ZCWPW2: variants seen among roughly 807,000 people sequenced by gnomAD.
The protein encoded by ZCWPW2 is zinc finger CW-type PWWP domain protein 2.
A neutral mutation model predicts 46.6 loss-of-function variants in ZCWPW2; 45 were observed. The ratio of observed to expected loss-of-function variants is 0.96; its 90% CI spans 0.76 to 1.24. The LOEUF (loss-of-function observed/expected upper bound fraction) is 1.24, where lower values mean the gene tolerates loss of function less well. ZCWPW2 is among the 50% of genes most tolerant of loss of function. The pLI, the probability that ZCWPW2 is intolerant of heterozygous loss-of-function variation, is 0.00. For missense variants in ZCWPW2, 429 were observed against 403.9 expected, an observed-to-expected ratio of 1.06 and a Z score of -0.53; for synonymous variants, 152 against 137.1, an observed-to-expected ratio of 1.11 and a Z score of -0.76.
chr3:28,380,150 T>C (rs541590909), intron 1 of ZCWPW2, among the ~76,000 whole-genome samples: 2 of 151,870 alleles, frequency 1.3e-5, no homozygotes, highest in Admixed American at 1.3e-4. Flanking sequence ...GCCTGGCTAA[T>C]TTTTTGTATT....
chr3:28,394,805 C>T (rs1695631758), intron 2 of ZCWPW2, among the ~76,000 whole-genome samples: 1 of 152,020 alleles, frequency 6.6e-6, no homozygotes, highest in African/African-American at 2.4e-5. Context: ...CTATATAACT[C>T]CTGAGAGAAA....
chr3:28,376,595 CTCAGTGTTT>C (rs1705507311), intron 1 of ZCWPW2, among the ~76,000 whole-genome samples: 1 of 152,092 alleles, frequency 6.6e-6, no homozygotes, highest in African/African-American at 2.4e-5. Flanking sequence ...ATACTGTCTG[CTCAGTGTTT>C]TCACTTCTCT....
chr3:28,434,006 G>A (rs1046096683), intron 3 of ZCWPW2, among the ~76,000 whole-genome samples: 6 of 145,452 alleles, frequency 4.1e-5, no homozygotes, highest in East Asian at 2.0e-4. Context: ...TCATTTTACT[G>A]TTTAAAATTA....
At chr3:28,493,060 C>T (rs1458879092) in intron 6 of ZCWPW2, among the ~76,000 whole-genome samples, 14 of 73,062 alleles carry the variant, frequency 1.9e-4, no homozygotes, top group Admixed American at 5.9e-4. Context: ...TATCTTTTTG[C>T]TTTTTGGCTT....
chr3:28,524,458 A>G (rs1700801792), intron 9 of ZCWPW2, 69 bp from the exon 10 acceptor site: 21 of 1,520,968 alleles, frequency 1.4e-5, no homozygotes, highest in Non-Finnish European at 1.8e-5. Context: ...CAGAATTACT[A>G]CTTTATGTTT....
chr3:28,476,681 A>G (rs1366291759), intron 4 of ZCWPW2, among the ~76,000 whole-genome samples: 2 of 152,160 alleles, frequency 1.3e-5, no homozygotes, highest in East Asian at 1.9e-4. Context: ...CTTTATTTCT[A>G]TTATTATTAC....
chr3:28,360,243 C>T (rs920133365), intron 1 of ZCWPW2, among the ~76,000 whole-genome samples: 10 of 151,076 alleles, frequency 6.6e-5, no homozygotes, highest in African/African-American at 1.7e-4. Flanking sequence ...CGGTGGCTCA[C>T]GCCTGTAATT....
At chr3:28,522,265 TA>T (rs1271441403) in intron 9 of ZCWPW2, among the ~76,000 whole-genome samples, 1 of 152,016 alleles carries the variant, frequency 6.6e-6, no homozygotes, top group Non-Finnish European at 1.5e-5. Flanking sequence ...AAGTATAATT[TA>T]AAAAAATGGT....
chr3:28,362,311 TA>T lies in ZCWPW2; in HGVS notation c.-134+13115del, dbSNP rs35735071. 2.2e-3 allele frequency among the ~76,000 whole-genome samples: 329 copies of T among 151,942 alleles called. 8 individuals are homozygous for T. The East Asian group carries it at 0.052, about 24-fold the overall frequency. On this transcript the variant is annotated intron_variant, in intron 1 of 9. Coordinates refer to ENST00000383768, the MANE Select transcript of ZCWPW2 (RefSeq NM_001040432.4). ...AAGAATAGGTTTCATATTATATTATTAAAAAAATAGTTCAATAGAAGCCACA... is the reference window on the plus strand; with the variant it reads ...AAGAATAGGTTTCATATTATATTATTAAAAAATAGTTCAATAGAAGCCACA...
intron 1 of ZCWPW2, among the ~76,000 whole-genome samples, chr3:28,390,174 A>C (rs916726599): frequency 6.6e-6 from 1 of 152,218 alleles, no homozygotes; most frequent in Non-Finnish European, 1.5e-5. Flanking sequence ...ACAACAAAGA[A>C]TATCATCTTC....
chr3:28,349,326 C>G (rs1031937195), intron 1 of ZCWPW2, 123 bp downstream of exon 1: 2 of 508,904 alleles, frequency 3.9e-6, no homozygotes, highest in African/African-American at 4.2e-5. Flanking sequence ...TGCGTGCTGG[C>G]TCGGCTCAGT....
At chr3:28,380,947 T>TTG (rs1238242940) in intron 1 of ZCWPW2, among the ~76,000 whole-genome samples, 9 of 36,094 alleles carry the variant, frequency 2.5e-4, no homozygotes, top group Non-Finnish European at 2.9e-4. Flanking sequence ...TATATATATA[T>TTG]ATATATATAT....
At chr3:28,497,200 C>A (rs187386186) in intron 6 of ZCWPW2, among the ~76,000 whole-genome samples, 1 of 150,626 alleles carries the variant, frequency 6.6e-6, no homozygotes, top group African/African-American at 2.4e-5. Flanking sequence ...GTCAACATCC[C>A]TATGCCTGTT....
At chr3:28,408,773 A>G (rs896577837) in intron 2 of ZCWPW2, among the ~76,000 whole-genome samples, 2 of 152,152 alleles carry the variant, frequency 1.3e-5, no homozygotes, top group Non-Finnish European at 2.9e-5. Context: ...TGAACTCGTT[A>G]TTGATAATCT....
chr3:28,385,497 C>T (rs1695236750), intron 1 of ZCWPW2, among the ~76,000 whole-genome samples: 2 of 152,166 alleles, frequency 1.3e-5, no homozygotes, highest in South Asian at 2.1e-4. Flanking sequence ...CGAGATGTCC[C>T]AGCCCAACTG....
intron 1 of ZCWPW2, among the ~76,000 whole-genome samples, chr3:28,377,019 AAATTCAAAG>A: frequency 1.3e-5 from 2 of 152,128 alleles, no homozygotes; most frequent in African/African-American, 4.8e-5. Flanking sequence ...AGTTCTAATG[AAATTCAAAG>A]TGAAGACAAA....
In ZCWPW2 at chr3:28,456,969, G is replaced by T. The variant is rs1698448956; in HGVS notation, c.492+21700G>T. Among the ~76,000 whole-genome samples the T allele has an allele frequency of 2.6e-5, 4 of 152,264 alleles. No homozygotes were observed. In the South Asian group the frequency reaches 8.3e-4, roughly 32 times the overall value. On this transcript the variant is annotated intron_variant, in intron 4 of 9. Coordinates refer to ENST00000383768, the MANE Select transcript of ZCWPW2 (RefSeq NM_001040432.4). ...TATCTATACCAGGTTTTGGTATCAG[G>T]ATGATACTGGCCTCATAGAATGAGT... is the stretch of plus-strand genomic sequence containing the variant.
intron 2 of ZCWPW2, among the ~76,000 whole-genome samples, chr3:28,411,558 CA>C (rs1421750367): frequency 6.6e-6 from 1 of 151,804 alleles, no homozygotes; most frequent in African/African-American, 2.4e-5. Context: ...TGGAACTAAA[CA>C]AGCAAAAAAA....
chr3:28,520,905 T>C, intron 8 of ZCWPW2, 87 bp from the exon 9 acceptor site: 26 of 1,493,386 alleles, frequency 1.7e-5, no homozygotes, highest in Middle Eastern at 1.8e-4. Context: ...ATTTAAAAGA[T>C]TTCTTCTTTC....
Sources: gnomAD v4.1 joint callset for allele counts (sites outside exome capture counted in the v4.1 genomes callset) on GRCh38, gnomAD v4.1.1 for gene constraint, MANE v1.5 for transcripts, NCBI Gene and HGNC (gene_info 2026-07-23, HGNC 2026-07-21) for gene names.